Variants in OR51G2 observed in about 807,000 individuals in gnomAD.
OR51G2 encodes the protein olfactory receptor family 51 subfamily G member 2, also known as olfactory receptor 51G2.
Under a neutral mutation model 11.8 loss-of-function variants are expected in OR51G2, and 13 were observed. That is an observed-to-expected ratio of 1.10 (90% CI 0.72 to 1.76). OR51G2 has a LOEUF of 1.76. Among genes scored for constraint, OR51G2 ranks in the 40% most tolerant of loss-of-function variants. The pLI is 0.00. For missense variants in OR51G2, 474 were observed against 394.4 expected (o/e 1.20, Z -1.71); for synonymous variants, 178 against 151.9 (o/e 1.17, Z -1.26).
chr11:4,915,009 T>G lies in OR51G2; in HGVS notation c.655A>C (p.Ile219Leu). The change falls in exon 2 of 2, where the codon ATC (isoleucine) becomes CTC (leucine). Residue 219 changes from isoleucine (I) to leucine (L), a missense_variant. Physicochemically the swap from Ile to Leu is conservative, Grantham distance 5. Transcript: ENST00000641926. ...AGGATCAGAGCATAAGAGAAGAGGATGAGCAGTGAGTCTATACCCACTGTA... is the reference window on the plus strand; with the variant it reads ...AGGATCAGAGCATAAGAGAAGAGGAGGAGCAGTGAGTCTATACCCACTGTA... ...VSTVGIDSLL[I>L]LFSYALILRT... 6.2e-7 allele frequency: 1 copy of G among 1,613,846 alleles called. No homozygotes were observed. The highest frequency in any genetic ancestry group is 1.6e-4 in the Middle Eastern group (1 of 6,062).
At chr11:4,917,297 A>T (rs1457561320) in intron 1 of OR51G2, among the ~76,000 whole-genome samples, 1 of 152,198 alleles carries the variant, frequency 6.6e-6, no homozygotes, top group Non-Finnish European at 1.5e-5. Context: ...AATTATTTAC[A>T]TTTCTAAGAT....
In OR51G2 at chr11:4,912,903, T is replaced by C. The variant is rs942101618; in HGVS notation, c.*1816A>G. 3 of 152,058 alleles carry C rather than the reference T, an allele frequency of 2.0e-5. No individual in the cohort carries two copies. The highest frequency in any genetic ancestry group is 7.2e-5 in the African/African-American group (3 of 41,398). The allele number at this position is 152,058 out of a possible 1,614,324, so 9.4% of individuals were successfully genotyped here. Reference sequence around the variant, plus strand: ...TTACACAAAAACCTCAGGACTATCATGTTGTCTAGCCTGGAATGTTAAACA... The same window carrying C: ...TTACACAAAAACCTCAGGACTATCACGTTGTCTAGCCTGGAATGTTAAACA... On this transcript the variant is annotated 3_prime_UTR_variant, in exon 2 of 2. Coordinates refer to ENST00000641926, the MANE Select transcript of OR51G2 (RefSeq NM_001005238.2).
chr11:4,917,865 C>T (rs1851121635), intron 1 of OR51G2, among the ~76,000 whole-genome samples: 1 of 151,970 alleles, frequency 6.6e-6, no homozygotes, highest in Non-Finnish European at 1.5e-5. Context: ...GTAAAAAATT[C>T]AGAGAGCCTG....
chr11:4,913,444 A>T lies in OR51G2; in HGVS notation c.*1275T>A, dbSNP rs1425874183. The T allele has an allele frequency of 6.6e-6, 1 of 152,154 alleles. No homozygotes were observed. Among genetic ancestry groups the T allele is most frequent in the Non-Finnish European group, 1.5e-5 (1 of 68,042 alleles). The allele number at this position is 152,154 out of a possible 1,614,324, so 9.4% of individuals were successfully genotyped here. ...TCTCATGCTTCTCTCTAGGTGTTCGAAGCTCCCCTTGGCAATATCACATTC... is the reference window on the plus strand; with the variant it reads ...TCTCATGCTTCTCTCTAGGTGTTCGTAGCTCCCCTTGGCAATATCACATTC... On this transcript the variant is annotated 3_prime_UTR_variant, in exon 2 of 2. Transcript: ENST00000641926.
rs1377616532 is a variant in OR51G2, at chr11:4,912,883, C to G, written c.*1836G>C. 2 of 151,840 alleles carry G rather than the reference C, an allele frequency of 1.3e-5. No individual in the cohort carries two copies. Among genetic ancestry groups the G allele is most frequent in the Non-Finnish European group, 2.9e-5 (2 of 67,988 alleles). The allele number at this position is 151,840 out of a possible 1,614,324, so 9.4% of individuals were successfully genotyped here. The stretch of plus-strand genomic sequence containing the variant: ...TAACTTACGTCTCACTTCTCTTACA[C>G]AAAAACCTCAGGACTATCATGTTGT... On this transcript the variant is annotated 3_prime_UTR_variant, in exon 2 of 2. Transcript: ENST00000641926.
rs1851054338 is a variant in OR51G2 at position 4,914,963 on chromosome 11, G to A, written c.701C>T (p.Ala234Val). ...GGCCTTGAATCTCTCAGCCCTGGAG[G>A]CGATGGACAGCACGGTGCGCAGGAT... ...ALILRTVLSI[A>V]SRAERFKALN... Residue 234 changes from alanine to valine, a missense_variant, in exon 2 of 2, where the codon GCC (alanine) becomes GTC (valine). By Grantham distance (64) the Ala-to-Val change is moderately conservative. Coordinates refer to ENST00000641926, the MANE Select transcript of OR51G2 (RefSeq NM_001005238.2). 6.2e-7 allele frequency: 1 copy of A among 1,614,012 alleles called. No individual in the cohort carries two copies. Among genetic ancestry groups the A allele is most frequent in the Non-Finnish European group, 8.5e-7 (1 of 1,180,012 alleles).
In OR51G2 at chr11:4,915,515, A is replaced by C. The variant is rs1851071927; in HGVS notation, c.149T>G (p.Ile50Ser). 6.2e-7 allele frequency: 1 copy of C among 1,614,018 alleles called. No homozygotes were observed. The highest frequency in any genetic ancestry group is 8.5e-7 in the Non-Finnish European group (1 of 1,180,030). The change falls in exon 2 of 2, where the codon ATT (isoleucine) becomes AGT (serine). Residue 50 changes from isoleucine to serine, a missense_variant. By Grantham distance (142) the Ile-to-Ser change is moderately radical. Coordinates refer to ENST00000641926, the MANE Select transcript of OR51G2 (RefSeq NM_001005238.2). Reference protein sequence around the residue: ...YLVSIPGNCTILFIIKTERSL... With the variant: ...YLVSIPGNCTSLFIIKTERSL... ...GCGCTCTGTTTTAATGATAAAAAGA[A>C]TTGTGCAGTTGCCCGGGATGGAAAC...
In OR51G2 at chr11:4,919,213, A is replaced by G. The variant is rs1324053694; in HGVS notation, c.-113T>C. Reference sequence around the variant, plus strand: ...GGTGCTCTCTGCAGCCTTTTGGTAGACAAAGTCCCTTCTACCATTTCTCTC... The same window carrying G: ...GGTGCTCTCTGCAGCCTTTTGGTAGGCAAAGTCCCTTCTACCATTTCTCTC... On this transcript the variant is annotated 5_prime_UTR_variant, in exon 1 of 2. Transcript: ENST00000641926. 1.3e-5 allele frequency: 2 copies of G among 152,274 alleles called. No individual in the cohort carries two copies. Among genetic ancestry groups the G allele is most frequent in the Admixed American group, 6.5e-5 (1 of 15,276 alleles). 9.4% of individuals were successfully genotyped at this position (152,274 alleles called of 1,614,324 possible).
At position 4,915,223 on chromosome 11, in the gene OR51G2, G is replaced by T. The variant is rs1261911210; in HGVS notation, c.441C>A (p.Gly147=). Residue 147 remains glycine, a synonymous_variant, in exon 2 of 2, where the codon GGC becomes GGA. Transcript: ENST00000641926. ...GACCCAGAGAGACCAGGCCAATCCT[G>T]CCAATGACTGTGTTGGTGAGAATGG... The part of the protein sequence containing the change: ...YVSILTNTVI[G]RIGLVSLGRS... 2 of 1,613,806 alleles carry T rather than the reference G, an allele frequency of 1.2e-6. No individual in the cohort carries two copies. The highest frequency in any genetic ancestry group is 3.3e-5 in the Admixed American group (2 of 59,984).
At chr11:4,916,154 T>A (rs202042830) in intron 1 of OR51G2, among the ~76,000 whole-genome samples, 3 of 146,634 alleles carry the variant, frequency 2.0e-5, no homozygotes, top group African/African-American at 2.5e-5. Flanking sequence ...CAGTCTCTAC[T>A]AAAAAAAAAA....
chr11:4,915,394 A>G lies in OR51G2; in HGVS notation c.270T>C (p.Phe90=). 6.2e-7 allele frequency: 1 copy of G among 1,614,064 alleles called. No homozygotes were observed. Among genetic ancestry groups the G allele is most frequent in the Middle Eastern group, 1.6e-4 (1 of 6,062 alleles). ...LCTLPTVLGI[F]WVGAREISHD... Reference sequence around the variant, plus strand: ...GGCTAATTTCTCGTGCTCCAACCCAAAAGATGCCCAGGACTGTAGGGAGAG... The same window carrying G: ...GGCTAATTTCTCGTGCTCCAACCCAGAAGATGCCCAGGACTGTAGGGAGAG... The change falls in exon 2 of 2, where the codon TTT becomes TTC. Residue 90 remains phenylalanine, a synonymous_variant. Transcript: ENST00000641926.
rs950389386 is a variant in OR51G2 at position 4,913,195 on chromosome 11, G to A, written c.*1524C>T. The A allele has an allele frequency of 6.6e-6, 1 of 152,162 alleles. No individual in the cohort carries two copies. Among genetic ancestry groups the A allele is most frequent in the African/African-American group, 2.4e-5 (1 of 41,432 alleles). The allele number at this position is 152,162 out of a possible 1,614,324, so 9.4% of individuals were successfully genotyped here. A position where few individuals can be genotyped will look rare whatever the true frequency, so the allele number is the denominator to read the frequency against. On this transcript the variant is annotated 3_prime_UTR_variant, in exon 2 of 2. Coordinates refer to ENST00000641926, the MANE Select transcript of OR51G2 (RefSeq NM_001005238.2). ...TGATCCTTTTGATTATTTTGGGGTT[G>A]ATGATATCATTGCAGAAACAGTGTT... is the stretch of plus-strand genomic sequence containing the variant.
In OR51G2 at chr11:4,914,804, A is replaced by G; in HGVS notation, c.860T>C (p.Leu287Pro). Residue 287 changes from leucine (L) to proline (P), a missense_variant, in exon 2 of 2, where the codon CTC (leucine) becomes CCC (proline). Coordinates refer to ENST00000641926, the MANE Select transcript of OR51G2 (RefSeq NM_001005238.2). Reference sequence around the variant, plus strand: ...AATGGGATTCATCACAGGAGGAAAGAGAAGATACATGAAACCCATGACCAC... The same window carrying G: ...AATGGGATTCATCACAGGAGGAAAGGGAAGATACATGAAACCCATGACCAC... ...VQVVMGFMYL[L>P]FPPVMNPIVY... The G allele has an allele frequency of 6.2e-7, 1 of 1,614,062 alleles. No homozygotes were observed. Among genetic ancestry groups the G allele is most frequent in the Admixed American group, 1.7e-5 (1 of 60,014 alleles).
In OR51G2 at chr11:4,915,680, G is replaced by A. The variant is rs771236232; in HGVS notation, c.-17C>T. On this transcript the variant is annotated 5_prime_UTR_variant, in exon 2 of 2. Transcript: ENST00000641926. ...CAGGGTCATTGTGTGAGGAGACAAG[G>A]GGGAAGGTGGGTGCCCTCCAAAATC... 6.3e-7 allele frequency: 1 copy of A among 1,584,256 alleles called. No individual in the cohort carries two copies. The highest frequency in any genetic ancestry group is 1.1e-5 in the South Asian group (1 of 88,232).
rs1283040337 is a variant in OR51G2, at chr11:4,914,936, A to C, written c.728T>G (p.Leu243Arg). The C allele has an allele frequency of 6.2e-7, 1 of 1,614,130 alleles. No individual in the cohort carries two copies. The highest frequency in any genetic ancestry group is 2.2e-5 in the East Asian group (1 of 44,852). ...ACAGATGTGGGAAACACAGGTGTTA[A>C]GGGCCTTGAATCTCTCAGCCCTGGA... ...IASRAERFKALNTCVSHICAV... is the reference protein window; with the variant it reads ...IASRAERFKARNTCVSHICAV... The change falls in exon 2 of 2, where the codon CTT becomes CGT. Residue 243 changes from leucine (L) to arginine (R), a missense_variant. By Grantham distance (102) the Leu-to-Arg change is moderately radical. Transcript: ENST00000641926.
Position 4,914,314 on chromosome 11 carries a change from A to G in OR51G2, c.*405T>C. On this transcript the variant is annotated 3_prime_UTR_variant, in exon 2 of 2. Coordinates refer to ENST00000641926, the MANE Select transcript of OR51G2 (RefSeq NM_001005238.2). ...AACAAGCGTTGAGTGAAACAGACAG[A>G]AACAGTGGTGGAATGGAGGTGGAAG... is the stretch of plus-strand genomic sequence containing the variant. 6.0e-6 allele frequency: 1 copy of G among 166,120 alleles called. No homozygotes were observed. The highest frequency in any genetic ancestry group is 1.3e-5 in the Non-Finnish European group (1 of 76,354). 10.3% of individuals were successfully genotyped at this position (166,120 alleles called of 1,614,324 possible). A position where few individuals can be genotyped will look rare whatever the true frequency, so the allele number is the denominator to read the frequency against.
rs1172359619 is a variant in OR51G2, at chr11:4,913,210, G to T, written c.*1509C>A. ...TTTTGGGGTTGATGATATCATTGCA[G>T]AAACAGTGTTCTCATGCCAAACAGG... On this transcript the variant is annotated 3_prime_UTR_variant, in exon 2 of 2. Coordinates refer to ENST00000641926, the MANE Select transcript of OR51G2 (RefSeq NM_001005238.2). 2.0e-5 allele frequency: 3 copies of T among 152,142 alleles called. No homozygotes were observed. Among genetic ancestry groups the T allele is most frequent in the Non-Finnish European group, 4.4e-5 (3 of 68,028 alleles). 9.4% of individuals were successfully genotyped at this position (152,142 alleles called of 1,614,324 possible). A position where few individuals can be genotyped will look rare whatever the true frequency, so the allele number is the denominator to read the frequency against.
At chr11:4,916,838 G>C (rs1197772184) in intron 1 of OR51G2, among the ~76,000 whole-genome samples, 1 of 152,182 alleles carries the variant, frequency 6.6e-6, no homozygotes, top group Non-Finnish European at 1.5e-5. Context: ...AGTGGCAGGA[G>C]AGGCTAAAGC....
intron 1 of OR51G2, among the ~76,000 whole-genome samples, chr11:4,918,416 T>C (rs747745163): frequency 6.6e-6 from 1 of 152,120 alleles, no homozygotes; most frequent in Non-Finnish European, 1.5e-5. Flanking sequence ...TGCTTCAGAT[T>C]GTAAGGAGGT....
Sources: allele counts gnomAD v4.1 joint callset (sites outside exome capture counted in the v4.1 genomes callset), GRCh38; gene constraint gnomAD v4.1.1; transcripts MANE v1.5; gene names NCBI Gene and HGNC (gene_info 2026-07-23, HGNC 2026-07-21).